The following CCSER1 variants were observed in gnomAD, a reference collection of about 807,000 sequenced individuals.
CCSER1 encodes serine-rich coiled-coil domain-containing protein 1.
CCSER1 carries 41 observed loss-of-function variants against 82.0 expected under a neutral mutation model. That is an observed-to-expected ratio of 0.50 (90% CI 0.39 to 0.65). CCSER1 has a LOEUF of 0.65. Ranked by LOEUF, CCSER1 falls within the 30% of genes least tolerant of loss-of-function variation. CCSER1 has a pLI of 0.00. For synonymous variants in CCSER1, 414 were observed against 383.9 expected (o/e 1.08, Z -0.92); for missense variants, 1,119 against 1,064.2 (o/e 1.05, Z -0.72).
intron 1 of CCSER1, among the ~76,000 whole-genome samples, chr4:90,307,753 A>C (rs1398847102): frequency 6.6e-6 from 1 of 152,046 alleles, no homozygotes; most frequent in African/African-American, 2.4e-5. Flanking sequence ...GATTCTGTTG[A>C]GCTCACGTCA....
intron 5 of CCSER1, among the ~76,000 whole-genome samples, chr4:90,613,891 A>T (rs1467654414): frequency 6.6e-6 from 1 of 152,224 alleles, no homozygotes; most frequent in East Asian, 1.9e-4. Context: ...TTTATTTAAC[A>T]GTGCTCCTGT....
chr4:91,348,306 G>T (rs1033751111), intron 10 of CCSER1, among the ~76,000 whole-genome samples: 1 of 152,048 alleles, frequency 6.6e-6, no homozygotes, highest in Non-Finnish European at 1.5e-5. Flanking sequence ...TATTGAATCA[G>T]CCTTGCACAC....
intron 5 of CCSER1, among the ~76,000 whole-genome samples, chr4:90,508,136 A>C (rs1770968493): frequency 6.6e-6 from 1 of 152,088 alleles, no homozygotes; most frequent in Admixed American, 6.6e-5. Flanking sequence ...TGGGAAAGTA[A>C]TGGATGCACA....
chr4:90,740,948 T>A, intron 7 of CCSER1, among the ~76,000 whole-genome samples: 1 of 152,136 alleles, frequency 6.6e-6, no homozygotes, highest in East Asian at 1.9e-4. Flanking sequence ...ACTATTGAAT[T>A]TAAGGTTTCA....
At chr4:91,077,131 A>G (rs1722080987) in intron 9 of CCSER1, among the ~76,000 whole-genome samples, 1 of 152,222 alleles carries the variant, frequency 6.6e-6, no homozygotes, top group Admixed American at 6.5e-5. Flanking sequence ...AGGTCTGGTA[A>G]TCTTTTGATT....
chr4:91,086,962 A>T (rs570301692), intron 10 of CCSER1, among the ~76,000 whole-genome samples: 159 of 152,270 alleles, frequency 1.0e-3, no homozygotes, highest in African/African-American at 3.7e-3. Context: ...ATGAAGTGAA[A>T]CATAGATAAA....
chr4:91,390,396 A>T (rs1392211123), intron 10 of CCSER1, among the ~76,000 whole-genome samples: 1 of 151,864 alleles, frequency 6.6e-6, no homozygotes, highest in Non-Finnish European at 1.5e-5. Flanking sequence ...ACACTTGATC[A>T]TGCTGTATTA....
chr4:91,082,352 A>C (rs1272405418), intron 9 of CCSER1, among the ~76,000 whole-genome samples: 1 of 152,162 alleles, frequency 6.6e-6, no homozygotes, highest in Non-Finnish European at 1.5e-5. Flanking sequence ...AAACTGGCTA[A>C]CCATATGTAG....
At chr4:90,274,714 C>G (rs1467135000) in intron 1 of CCSER1, among the ~76,000 whole-genome samples, 2 of 152,050 alleles carry the variant, frequency 1.3e-5, no homozygotes, top group Non-Finnish European at 2.9e-5. Flanking sequence ...ACTTGACCAT[C>G]TTGGTCCCAG....
intron 10 of CCSER1, among the ~76,000 whole-genome samples, chr4:91,217,520 T>C (rs1737347195): frequency 6.6e-6 from 1 of 152,006 alleles, no homozygotes; most frequent in Non-Finnish European, 1.5e-5. Flanking sequence ...TTGTTGTGTT[T>C]ACAAACCTTG....
intron 1 of CCSER1, among the ~76,000 whole-genome samples, chr4:90,226,317 C>T (rs1743151504): frequency 6.6e-6 from 1 of 152,210 alleles, no homozygotes; most frequent in African/African-American, 2.4e-5. Flanking sequence ...AAATAGATAT[C>T]TGAAATACCC....
chr4:91,481,312 C>G (rs567232990), intron 10 of CCSER1, among the ~76,000 whole-genome samples: 134 of 152,032 alleles, frequency 8.8e-4, no homozygotes, highest in Middle Eastern at 3.4e-3. Context: ...TTTGGTTTAT[C>G]CTTAAGCTTT....
chr4:91,523,039 A>G (rs552949149), intron 10 of CCSER1, among the ~76,000 whole-genome samples: 213 of 152,200 alleles, frequency 1.4e-3, no homozygotes, highest in African/African-American at 4.9e-3. Flanking sequence ...TTATTTTGAG[A>G]TATGTTCCAT....
chr4:90,431,028 C>G (rs28538745), intron 4 of CCSER1, among the ~76,000 whole-genome samples: 2,687 of 152,020 alleles, frequency 0.018, 33 homozygotes, highest in African/African-American at 0.038. Flanking sequence ...TTTTTAGTTT[C>G]ACAGGAGCCT....
At chr4:90,921,938 A>G (rs1728445142) in intron 8 of CCSER1, among the ~76,000 whole-genome samples, 3 of 151,984 alleles carry the variant, frequency 2.0e-5, no homozygotes, top group East Asian at 1.9e-4. Flanking sequence ...ATCCCAATCA[A>G]TATGTCTAGA....
chr4:90,198,701 T>C (rs1737064664), intron 1 of CCSER1, among the ~76,000 whole-genome samples: 1 of 152,070 alleles, frequency 6.6e-6, no homozygotes, highest in East Asian at 1.9e-4. Flanking sequence ...AAGAACTATT[T>C]CAAATCAATT....
At chr4:91,018,165 C>G (rs1396262142) in intron 9 of CCSER1, among the ~76,000 whole-genome samples, 1 of 152,052 alleles carries the variant, frequency 6.6e-6, no homozygotes, top group Non-Finnish European at 1.5e-5. Flanking sequence ...ACAATTCTTT[C>G]ATCTATTTAT....
At chr4:91,462,395 A>G (rs950367849) in intron 10 of CCSER1, among the ~76,000 whole-genome samples, 1 of 152,180 alleles carries the variant, frequency 6.6e-6, no homozygotes, top group African/African-American at 2.4e-5. Context: ...AAGATGGCCG[A>G]ATAGGAACAG....
At position 91,600,501 on chromosome 4, in the gene CCSER1, G is replaced by C. The variant is rs545949363; in HGVS notation, c.*1444G>C. ...TTGCATTTTCTAACAGAATCTGTCA[G>C]CGTGCACAAGCAAGATGAACAAAGG... On this transcript the variant is annotated 3_prime_UTR_variant, in exon 11 of 11. Transcript: ENST00000509176. 1 of 152,220 alleles carries C rather than the reference G, an allele frequency of 6.6e-6. No individual in the cohort carries two copies. Among genetic ancestry groups the C allele is most frequent in the South Asian group, 2.1e-4 (1 of 4,820 alleles). 9.4% of individuals were successfully genotyped at this position (152,220 alleles called of 1,614,324 possible). A position where few individuals can be genotyped will look rare whatever the true frequency, so the allele number is the denominator to read the frequency against.
Sources: allele counts gnomAD v4.1 joint callset (sites outside exome capture counted in the v4.1 genomes callset), GRCh38; gene constraint gnomAD v4.1.1; transcripts MANE v1.5; gene names NCBI Gene and HGNC (gene_info 2026-07-23, HGNC 2026-07-21).